The following PRRC2C variants were observed in gnomAD, a reference collection of about 807,000 sequenced individuals.
PRRC2C encodes the protein protein PRRC2C.
In PRRC2C, 72 loss-of-function variants were observed where a neutral mutation model predicts 317.2. The observed-to-expected ratio is 0.23, with a 90% CI of 0.19 to 0.28. The LOEUF (loss-of-function observed/expected upper bound fraction) is 0.28. PRRC2C is among the 10% of genes least tolerant of loss of function. The pLI, the probability that PRRC2C is intolerant of heterozygous loss-of-function variation, is 1.00. For synonymous variants in PRRC2C, 1,296 were observed against 1,205.9 expected (o/e 1.07, Z -1.55); for missense variants, 3,074 against 3,459.7 (o/e 0.89, Z 2.80).
chr1:171,519,127 A>G (rs1038677452), intron 6 of PRRC2C, among the ~76,000 whole-genome samples: 1,741 of 151,648 alleles, frequency 0.011, 28 homozygotes, highest in African/African-American at 0.04. Flanking sequence ...CAAGTGATCC[A>G]CCCGCCTCAG....
At chr1:171,529,039 C>T (rs1675275665) in intron 11 of PRRC2C, among the ~76,000 whole-genome samples, 1 of 152,154 alleles carries the variant, frequency 6.6e-6, no homozygotes, top group Admixed American at 6.5e-5. Context: ...AAGATACCAC[C>T]TTGACCTACC....
chr1:171,504,160 T>G (rs973341888), intron 1 of PRRC2C, among the ~76,000 whole-genome samples: 15 of 152,214 alleles, frequency 9.9e-5, no homozygotes, highest in Admixed American at 6.5e-4. Flanking sequence ...AAAACTGGGT[T>G]GGTTGTTATG....
chr1:171,556,035 G>A (rs564520800), intron 18 of PRRC2C, among the ~76,000 whole-genome samples: 11 of 152,116 alleles, frequency 7.2e-5, no homozygotes, highest in Non-Finnish European at 1.2e-4. Context: ...AGCATACAGA[G>A]TCTACAGAGT....
Position 171,550,111 on chromosome 1 carries a change from T to C in PRRC2C, c.4998T>C (p.Pro1666=). ...YASVVIIDDH[P]EVTVIEDPQS... is the part of the protein sequence containing the mutation. ...GTGTTGTTATAATTGATGATCATCC[T>C]GAAGTAACAGTAATTGAAGATCCCC... is the stretch of plus-strand genomic sequence containing the variant. The change falls in exon 18 of 35, where the codon CCT becomes CCC. Residue 1666 remains proline (P), a synonymous_variant. Transcript: ENST00000647382. 6.2e-7 allele frequency: 1 copy of C among 1,607,054 alleles called. No homozygotes were observed.
At position 171,554,048 on chromosome 1, in the gene PRRC2C, T is replaced by C. The variant is rs181647158; in HGVS notation, c.5128-3192T>C. On this transcript the variant is annotated intron_variant, in intron 18 of 34. Transcript: ENST00000647382. Reference sequence around the variant, plus strand: ...GTTAACCTTCTGTCTCATTGATCTGTCTAATATTGACAATGGGGTGTTAAA... The same window carrying C: ...GTTAACCTTCTGTCTCATTGATCTGCCTAATATTGACAATGGGGTGTTAAA... Among the ~76,000 whole-genome samples, 23 of 152,318 alleles carry C rather than the reference T, an allele frequency of 1.5e-4. No homozygotes were observed. In the East Asian group the frequency reaches 3.9e-3, roughly 26 times the overall value.
intron 1 of PRRC2C, among the ~76,000 whole-genome samples, chr1:171,506,424 G>A (rs1042307121): frequency 2.0e-5 from 3 of 152,046 alleles, no homozygotes; most frequent in South Asian, 2.1e-4. Context: ...TTTGGTGTGG[G>A]TTCTTCACGT....
chr1:171,507,383 G>A (rs181417374), intron 1 of PRRC2C, among the ~76,000 whole-genome samples: 11 of 152,124 alleles, frequency 7.2e-5, no homozygotes, highest in African/African-American at 1.4e-4. Flanking sequence ...GGCCGAGGAC[G>A]GTGGATCACC....
At position 171,575,116 on chromosome 1, in the gene PRRC2C, G is replaced by A; in HGVS notation, c.6943G>A (p.Ala2315Thr). 4 of 1,613,070 alleles carry A rather than the reference G, an allele frequency of 2.5e-6. No individual in the cohort carries two copies. Among genetic ancestry groups the A allele is most frequent in the East Asian group, 4.5e-5 (2 of 44,848 alleles). Residue 2315 changes from alanine to threonine, a missense_variant, in exon 25 of 35, where the codon GCA (alanine) becomes ACA (threonine). Coordinates refer to ENST00000647382, the MANE Select transcript of PRRC2C (RefSeq NM_001387844.1). ...QIPVASVTPTASLSGAGTYTT... is the reference protein window; with the variant it reads ...QIPVASVTPTTSLSGAGTYTT... The stretch of plus-strand genomic sequence containing the variant: ...TCCTGTTGCTTCAGTCACTCCTACA[G>A]CATCACTATCAGGTAGAACTTTTTC...
intron 17 of PRRC2C, among the ~76,000 whole-genome samples, chr1:171,549,683 T>G (rs1456343578): frequency 6.6e-6 from 1 of 152,158 alleles, no homozygotes; most frequent in African/African-American, 2.4e-5. Flanking sequence ...TGCTTCAGCC[T>G]CCTGAGTATC....
chr1:171,572,141 T>A (rs1043616622), intron 24 of PRRC2C, among the ~76,000 whole-genome samples: 1 of 152,066 alleles, frequency 6.6e-6, no homozygotes, highest in Admixed American at 6.6e-5. Flanking sequence ...AAAGGAGGTT[T>A]TTTTTAATTT....
intron 22 of PRRC2C, among the ~76,000 whole-genome samples, chr1:171,567,410 G>T (rs919414394): frequency 1.3e-5 from 2 of 152,278 alleles, no homozygotes; most frequent in Middle Eastern, 3.4e-3. Flanking sequence ...ACATATCTGC[G>T]ATTTTATATT....
rs766385969 is a variant in PRRC2C, at chr1:171,557,577, C to T, written c.5465C>T (p.Pro1822Leu). The change falls in exon 19 of 35, where the codon CCA becomes CTA. Residue 1822 changes from proline to leucine, a missense_variant. Pro to Leu is a moderately conservative substitution (Grantham distance 98, BLOSUM62 -3). Around this residue, in one of 11 missense-constraint regions of PRRC2C, gnomAD observed 640 missense variants for 676.1 expected, o/e 0.95. Coordinates refer to ENST00000647382, the MANE Select transcript of PRRC2C (RefSeq NM_001387844.1). Reference protein sequence around the residue: ...SASASVSASVPASTSAAAITS... With the variant: ...SASASVSASVLASTSAAAITS... ...TCAGCCTCAGTCTCAGCTTCAGTTCCAGCCTCTACTTCAGCTGCAGCTATA... is the reference window on the plus strand; with the variant it reads ...TCAGCCTCAGTCTCAGCTTCAGTTCTAGCCTCTACTTCAGCTGCAGCTATA... 7.7e-6 allele frequency: 12 copies of T among 1,551,692 alleles called. No individual in the cohort carries two copies. In the East Asian group the frequency reaches 2.9e-4, roughly 38 times the overall value.
chr1:171,501,703 G>A (rs1342689566), intron 1 of PRRC2C, among the ~76,000 whole-genome samples: 1 of 152,166 alleles, frequency 6.6e-6, no homozygotes, highest in African/African-American at 2.4e-5. Context: ...AATTAAAATT[G>A]ATATAGGTAG....
chr1:171,564,413 A>G (rs920138223), intron 20 of PRRC2C, among the ~76,000 whole-genome samples: 1 of 152,200 alleles, frequency 6.6e-6, no homozygotes, highest in Non-Finnish European at 1.5e-5. Flanking sequence ...ACATTTTTGT[A>G]TATACAGTTA....
chr1:171,523,286 G>A lies in PRRC2C; in HGVS notation c.899G>A (p.Ser300Asn). ...ASEPERPSILSASELKELDKF... is the reference protein window; with the variant it reads ...ASEPERPSILNASELKELDKF... ...GAGCCTGAACGCCCATCCATTCTTA[G>A]TGCATCAGAACTGAAGGAGCTTGAT... Residue 300 changes from serine to asparagine, a missense_variant, in exon 8 of 35, where the codon AGT becomes AAT. Physicochemically the swap from Ser to Asn is conservative, Grantham distance 46. Around this residue, in one of 11 missense-constraint regions of PRRC2C, gnomAD observed 50 missense variants for 88.3 expected, o/e 0.57. Transcript: ENST00000647382. 6.2e-7 allele frequency: 1 copy of A among 1,613,744 alleles called. No individual in the cohort carries two copies. Among genetic ancestry groups the A allele is most frequent in the Non-Finnish European group, 8.5e-7 (1 of 1,179,786 alleles).
chr1:171,502,685 T>C (rs1669349150), intron 1 of PRRC2C, among the ~76,000 whole-genome samples: 1 of 152,148 alleles, frequency 6.6e-6, no homozygotes, highest in African/African-American at 2.4e-5. Flanking sequence ...TAAATTATAT[T>C]TTAGAGAACA....
intron 10 of PRRC2C, 63 bp from the exon 11 acceptor site, chr1:171,527,728 C>T: frequency 7.1e-7 from 1 of 1,410,668 alleles, no homozygotes; most frequent in Non-Finnish European, 9.8e-7. Flanking sequence ...TGCACTCCAG[C>T]ATGGGCAACA....
At position 171,566,704 on chromosome 1, in the gene PRRC2C, G is replaced by A. The variant is rs952112250; in HGVS notation, c.6419G>A (p.Gly2140Glu). ...VKDAQQVEPEGQEKPSPATVR... is the reference protein window; with the variant it reads ...VKDAQQVEPEEQEKPSPATVR... ...GATGCCCAACAGGTGGAGCCAGAAGGACAAGAGAAACCAAGCCCAGCTACA... is the reference window on the plus strand; with the variant it reads ...GATGCCCAACAGGTGGAGCCAGAAGAACAAGAGAAACCAAGCCCAGCTACA... Residue 2140 changes from glycine (G) to glutamate (E), a missense_variant, in exon 22 of 35, where the codon GGA becomes GAA. Around this residue, in one of 11 missense-constraint regions of PRRC2C, gnomAD observed 640 missense variants for 676.1 expected, o/e 0.95. Coordinates refer to ENST00000647382, the MANE Select transcript of PRRC2C (RefSeq NM_001387844.1). The A allele has an allele frequency of 1.1e-5, 17 of 1,613,568 alleles. No homozygotes were observed. Among genetic ancestry groups the A allele is most frequent in the Middle Eastern group, 1.6e-4 (1 of 6,062 alleles).
chr1:171,554,885 G>A (rs235479), intron 18 of PRRC2C, among the ~76,000 whole-genome samples: 122,203 of 152,106 alleles, frequency 0.8, 49,213 homozygotes, highest in Middle Eastern at 0.9. Flanking sequence ...CTCTCTGGCT[G>A]CGCTTAATAT....
Sources: gnomAD v4.1 joint callset for allele counts (sites outside exome capture counted in the v4.1 genomes callset) on GRCh38, gnomAD v4.1.1 for gene constraint, gnomAD v4.1.1 regional missense constraint, MANE v1.5 for transcripts, NCBI Gene and HGNC (gene_info 2026-07-23, HGNC 2026-07-21) for gene names.